The following KLF3 variants were observed in gnomAD, a reference collection of about 807,000 sequenced individuals.
KLF3 encodes Krueppel-like factor 3.
KLF3 carries 6 observed loss-of-function variants against 32.7 expected under a neutral mutation model. The ratio of observed to expected loss-of-function variants is 0.18; its 90% CI spans 0.10 to 0.36. The LOEUF (loss-of-function observed/expected upper bound fraction) is 0.36, where lower values mean the gene tolerates loss of function less well. Among genes scored for constraint, KLF3 ranks in the 10% least tolerant of loss-of-function variants. The pLI is 1.00. For missense variants in KLF3, 338 were observed against 449.7 expected, an observed-to-expected ratio of 0.75 and a Z score of 2.25; for synonymous variants, 145 against 172.8, an observed-to-expected ratio of 0.84 and a Z score of 1.26.
chr4:38,696,244 G>A (rs910958890), intron 5 of KLF3, among the ~76,000 whole-genome samples: 8 of 147,496 alleles, frequency 5.4e-5, no homozygotes, highest in Admixed American at 2.7e-4. Flanking sequence ...CCAGGAAGCA[G>A]ATAATAGAAA....
At chr4:38,692,094 A>G (rs1403835269) in intron 4 of KLF3, among the ~76,000 whole-genome samples, 1 of 152,212 alleles carries the variant, frequency 6.6e-6, no homozygotes. Context: ...ATACAAAACT[A>G]TATTTAGAAC....
chr4:38,681,059 CAAAA>C (rs545371823), intron 2 of KLF3: 2 of 120,626 alleles, frequency 1.7e-5, no homozygotes, highest in Admixed American at 8.1e-5. Flanking sequence ...AAGTCCGTCT[CAAAA>C]AAAAAAAAAA....
At position 38,701,018 on chromosome 4, in the gene KLF3, TTAA is replaced by T. The variant is rs1042408604; in HGVS notation, c.*3759_*3761del. ...GTATGCAATATATATTATATACTTG[TTAA>T]TAAAACCATCAGAATATTAAATGTG... On this transcript the variant is annotated 3_prime_UTR_variant, in exon 6 of 6. Transcript: ENST00000261438. 2 of 152,214 alleles carry T rather than the reference TTAA, an allele frequency of 1.3e-5. No homozygotes were observed. The highest frequency in any genetic ancestry group is 2.9e-5 in the Non-Finnish European group (2 of 68,036). The allele number at this position is 152,214 out of a possible 1,614,324, so 9.4% of individuals were successfully genotyped here.
At position 38,689,697 on chromosome 4, in the gene KLF3, C is replaced by T. The variant is rs201558648; in HGVS notation, c.545-32C>T. 3.6e-5 allele frequency: 55 copies of T among 1,506,916 alleles called. No homozygotes were observed. The East Asian group carries it at 9.2e-4, about 25-fold the overall frequency. 93.3% of individuals were successfully genotyped at this position (1,506,916 alleles called of 1,614,324 possible). A position where few individuals can be genotyped will look rare whatever the true frequency, so the allele number is the denominator to read the frequency against. On this transcript the variant is annotated intron_variant, in intron 3 of 5. Coordinates refer to ENST00000261438, the MANE Select transcript of KLF3 (RefSeq NM_016531.6). ...TAAAAGCTGAAATTGGTAAACTGTA[C>T]GTGAAGTGACTTTTCTATTTTTATT...
chr4:38,700,850 A>T lies in KLF3; in HGVS notation c.*3587A>T, dbSNP rs1723176385. On this transcript the variant is annotated 3_prime_UTR_variant, in exon 6 of 6. Coordinates refer to ENST00000261438, the MANE Select transcript of KLF3 (RefSeq NM_016531.6). ...CTTGCAGATACTGAAACATTTTGGT[A>T]ATCTTTCTTACTAAAGATGTGAATG... The T allele has an allele frequency of 6.6e-6, 1 of 152,226 alleles. No individual in the cohort carries two copies. Among genetic ancestry groups the T allele is most frequent in the Non-Finnish European group, 1.5e-5 (1 of 68,034 alleles). 9.4% of individuals were successfully genotyped at this position (152,226 alleles called of 1,614,324 possible).
intron 4 of KLF3, among the ~76,000 whole-genome samples, chr4:38,692,350 A>C (rs1722899883): frequency 6.6e-6 from 1 of 152,212 alleles, no homozygotes; most frequent in Non-Finnish European, 1.5e-5. Flanking sequence ...GAGATGCGGC[A>C]GGTTAACTGT....
chr4:38,679,899 G>A (rs1299809825), intron 1 of KLF3, among the ~76,000 whole-genome samples: 4 of 152,072 alleles, frequency 2.6e-5, no homozygotes, highest in East Asian at 1.9e-4. Context: ...ATTTTTCTGC[G>A]ACCAACATCG....
chr4:38,678,910 C>T (rs1224539995), intron 1 of KLF3, among the ~76,000 whole-genome samples: 3 of 152,186 alleles, frequency 2.0e-5, no homozygotes, highest in Non-Finnish European at 2.9e-5. Context: ...TGCCTGAAGT[C>T]GATTTCTGAA....
chr4:38,688,454 A>G lies in KLF3; in HGVS notation c.58-131A>G. 1.1e-6 allele frequency: 1 copy of G among 903,216 alleles called. No individual in the cohort carries two copies. 56.0% of individuals were successfully genotyped at this position (903,216 alleles called of 1,614,324 possible). A position where few individuals can be genotyped will look rare whatever the true frequency, so the allele number is the denominator to read the frequency against. On this transcript the variant is annotated intron_variant, in intron 2 of 5. Coordinates refer to ENST00000261438, the MANE Select transcript of KLF3 (RefSeq NM_016531.6). This position sits in a 1 kb window ranked among gnomAD's most constrained non-coding sequence, Gnocchi z 4.9. Reference sequence around the variant, plus strand: ...AGCATTTTTTTAAGGTCACATATATATCGAAATCTAAACTATTTTGTAAAG... The same window carrying G: ...AGCATTTTTTTAAGGTCACATATATGTCGAAATCTAAACTATTTTGTAAAG...
chr4:38,680,460 TG>T (rs1645042392), intron 1 of KLF3, 126 bp from the exon 2 acceptor site: 1 of 494,306 alleles, frequency 2.0e-6, no homozygotes, highest in African/African-American at 2.0e-5. Flanking sequence ...GCGATCCGTC[TG>T]CCTCAGCCTC....
chr4:38,684,848 G>T (rs1722645529), intron 2 of KLF3, among the ~76,000 whole-genome samples: 1 of 152,170 alleles, frequency 6.6e-6, no homozygotes, highest in Non-Finnish European at 1.5e-5. Context: ...GAGCCACCAT[G>T]CCTGGCCCAG....
chr4:38,686,672 C>T (rs1030037673), intron 2 of KLF3, among the ~76,000 whole-genome samples: 6 of 151,996 alleles, frequency 3.9e-5, no homozygotes, highest in East Asian at 1.9e-4. Context: ...CAGTAGAGCC[C>T]GTGACAGTGA....
intron 1 of KLF3, among the ~76,000 whole-genome samples, chr4:38,667,151 A>AC (rs1373131219): frequency 6.6e-6 from 1 of 151,912 alleles, no homozygotes. Flanking sequence ...AAACACCTCC[A>AC]CCCCCCTGTT....
At chr4:38,692,797 C>G (rs1722911623) in intron 4 of KLF3, among the ~76,000 whole-genome samples, 1 of 152,064 alleles carries the variant, frequency 6.6e-6, no homozygotes, top group African/African-American at 2.4e-5. Context: ...CTAAAGTTAT[C>G]TGAAAAAGAT....
At position 38,701,313 on chromosome 4, in the gene KLF3, G is replaced by C. The variant is rs1384837824; in HGVS notation, c.*4050G>C. On this transcript the variant is annotated 3_prime_UTR_variant, in exon 6 of 6. Transcript: ENST00000261438. Reference sequence around the variant, plus strand: ...CAGCAAAAATCTACAAACTCACCTAGTTCATTCTTGAAATACTTCTTGTAT... The same window carrying C: ...CAGCAAAAATCTACAAACTCACCTACTTCATTCTTGAAATACTTCTTGTAT... 1.3e-5 allele frequency among the ~76,000 whole-genome samples: 2 copies of C among 152,142 alleles called. No individual in the cohort carries two copies. Among genetic ancestry groups the C allele is most frequent in the Non-Finnish European group, 2.9e-5 (2 of 68,032 alleles).
chr4:38,696,561 A>C (rs978366212), intron 5 of KLF3, among the ~76,000 whole-genome samples: 2 of 152,356 alleles, frequency 1.3e-5, no homozygotes, highest in South Asian at 4.1e-4. Context: ...CCTGAATTAA[A>C]GCATTATACT....
chr4:38,694,748 A>G lies in KLF3; in HGVS notation c.698A>G (p.Asn233Ser). The change falls in exon 5 of 6, where the codon AAT becomes AGT. Residue 233 changes from asparagine (N) to serine (S), a missense_variant and splice_region_variant. By Grantham distance (46) the Asn-to-Ser change is conservative. Transcript: ENST00000261438. ...VSPPQALLQE[N>S]HPSVIVQPGK... ...GCCTGTAACCTTGGCTTTCACAGGA[A>G]TCACCCTTCGGTCATCGTGCAGCCT... 6.4e-7 allele frequency: 1 copy of G among 1,551,312 alleles called. No homozygotes were observed. The highest frequency in any genetic ancestry group is 8.6e-7 in the Non-Finnish European group (1 of 1,158,252).
intron 1 of KLF3, among the ~76,000 whole-genome samples, chr4:38,675,556 A>G (rs368086995): frequency 1.3e-5 from 2 of 152,228 alleles, no homozygotes; most frequent in Non-Finnish European, 2.9e-5. Context: ...AAAAAAATAG[A>G]ACCACATTTA....
chr4:38,687,015 AC>A (rs1452124035), intron 2 of KLF3, among the ~76,000 whole-genome samples: 2 of 133,996 alleles, frequency 1.5e-5, no homozygotes, highest in Non-Finnish European at 3.6e-5. Context: ...CTGCTGCCCC[AC>A]AGTCATAACT....
Sources: gnomAD v4.1 joint callset for allele counts (sites outside exome capture counted in the v4.1 genomes callset) on GRCh38, gnomAD v4.1.1 for gene constraint, Gnocchi (gnomAD v3.1) non-coding constraint, MANE v1.5 for transcripts, NCBI Gene and HGNC (gene_info 2026-07-23, HGNC 2026-07-21) for gene names.